The following SFSWAP variants were observed in gnomAD, a reference collection of about 807,000 sequenced individuals.
SFSWAP encodes splicing factor, suppressor of white-apricot homolog.
Under a neutral mutation model 100.7 loss-of-function variants are expected in SFSWAP, and 17 were observed. That is an observed-to-expected ratio of 0.17 (90% confidence interval 0.12 to 0.25). The LOEUF is 0.25. Among genes scored for constraint, SFSWAP ranks in the 10% least tolerant of loss-of-function variants. The pLI is 1.00. For missense variants in SFSWAP, 1,005 were observed against 1,262.6 expected (o/e 0.80, Z 3.09); for synonymous variants, 504 against 510.1 (o/e 0.99, Z 0.16).
At chr12:131,761,590 CAG>C (rs1409463549) in intron 11 of SFSWAP, among the ~76,000 whole-genome samples, 3 of 152,216 alleles carry the variant, frequency 2.0e-5, no homozygotes, top group Non-Finnish European at 2.9e-5. Flanking sequence ...CCCGATCACT[CAG>C]GGACGTGGCA....
chr12:131,742,633 C>CTT (rs35922926), intron 7 of SFSWAP, among the ~76,000 whole-genome samples: 4 of 142,446 alleles, frequency 2.8e-5, no homozygotes, highest in African/African-American at 1.0e-4. Flanking sequence ...TGTTGGGGGA[C>CTT]TTTTTTTTTT....
At chr12:131,735,199 C>T (rs954066052) in intron 7 of SFSWAP, among the ~76,000 whole-genome samples, 23 of 152,326 alleles carry the variant, frequency 1.5e-4, no homozygotes, top group African/African-American at 4.8e-4. Flanking sequence ...CCTCCCCCAG[C>T]GATGAGAGCC....
intron 15 of SFSWAP, among the ~76,000 whole-genome samples, chr12:131,786,789 CG>C (rs1377730751): frequency 1.3e-5 from 2 of 151,894 alleles, no homozygotes; most frequent in Non-Finnish European, 2.9e-5. Flanking sequence ...GTCTGGTGGG[CG>C]GGGGTCACTT....
intron 13 of SFSWAP, among the ~76,000 whole-genome samples, chr12:131,767,557 A>G (rs1483090979): frequency 1.3e-5 from 2 of 152,264 alleles, no homozygotes; most frequent in Non-Finnish European, 2.9e-5. Context: ...CTGTAATTGT[A>G]GGTGAATTAA....
intron 7 of SFSWAP, among the ~76,000 whole-genome samples, chr12:131,729,879 G>A (rs2136192710): frequency 6.6e-6 from 1 of 152,328 alleles, no homozygotes; most frequent in South Asian, 2.1e-4. Context: ...AAACATCACA[G>A]CTGTGTTCTT....
intron 13 of SFSWAP, among the ~76,000 whole-genome samples, chr12:131,769,673 C>T (rs1883422463): frequency 6.6e-6 from 1 of 152,140 alleles, no homozygotes; most frequent in Non-Finnish European, 1.5e-5. Context: ...CTCGCCCAGG[C>T]TGGAGTGCAG....
chr12:131,753,428 C>T, intron 8 of SFSWAP, 65 bp downstream of exon 8: 3 of 1,534,244 alleles, frequency 2.0e-6, no homozygotes, highest in Non-Finnish European at 2.6e-6. Flanking sequence ...CTGGGGCCGT[C>T]TGTGTCTCCA....
intron 15 of SFSWAP, among the ~76,000 whole-genome samples, chr12:131,789,869 C>G (rs1435850829): frequency 1.3e-5 from 2 of 152,228 alleles, no homozygotes; most frequent in African/African-American, 2.4e-5. Context: ...GTCCATTTGT[C>G]CCATCATTCA....
chr12:131,783,792 TTATATATATATATATATA>T (rs68047235), intron 14 of SFSWAP: 1 of 86,682 alleles, frequency 1.2e-5, no homozygotes, highest in East Asian at 5.7e-4. Flanking sequence ...AAAAAACATT[TTATATATATATATATATA>T]TATATATATA....
At position 131,728,404 on chromosome 12, in the gene SFSWAP, T is replaced by G; in HGVS notation, c.1057T>G (p.Ser353Ala). The change falls in exon 7 of 18, where the codon TCC becomes GCC. Residue 353 changes from serine (S) to alanine (A), a missense_variant. Transcript: ENST00000261674. The stretch of plus-strand genomic sequence containing the variant: ...CGCAGACGGTGCGCCTGTGCAGCCC[T>G]CCCAGGTGGAGTACACGGCAGACTG... ...HNADGAPVQPSQVEYTADSTV... is the reference protein window; with the variant it reads ...HNADGAPVQPAQVEYTADSTV... The G allele has an allele frequency of 1.2e-6, 2 of 1,614,196 alleles. No individual in the cohort carries two copies. Among genetic ancestry groups the G allele is most frequent in the Non-Finnish European group, 1.7e-6 (2 of 1,180,028 alleles).
At chr12:131,758,912 A>G (rs1266901845) in intron 11 of SFSWAP, among the ~76,000 whole-genome samples, 1 of 152,052 alleles carries the variant, frequency 6.6e-6, no homozygotes, top group Non-Finnish European at 1.5e-5. Flanking sequence ...TCGTGAGACC[A>G]TGTCTCTACA....
At chr12:131,754,738 A>G (rs1882003237) in intron 9 of SFSWAP, among the ~76,000 whole-genome samples, 2 of 147,396 alleles carry the variant, frequency 1.4e-5, no homozygotes, top group African/African-American at 5.0e-5. Context: ...GGCTCAAGCA[A>G]TTCTCCTGTC....
chr12:131,748,394 A>G (rs797008765), intron 7 of SFSWAP, among the ~76,000 whole-genome samples: 57 of 152,248 alleles, frequency 3.7e-4, no homozygotes, highest in African/African-American at 1.3e-3. Flanking sequence ...TCCTGGCCTC[A>G]AGTGATCCCC....
rs746339569 is a variant in SFSWAP at position 131,727,063 on chromosome 12, CATT to C, written c.945+12_945+14del. On this transcript the variant is annotated intron_variant, in intron 6 of 17. Transcript: ENST00000261674. ...GAAGAGCTGATGAAGGTTTTTATCT[CATT>C]GTTGAACTATATTTTTATGCCACCA... 4.2e-6 allele frequency: 6 copies of C among 1,436,652 alleles called. No individual in the cohort carries two copies. The highest frequency in any genetic ancestry group is 5.9e-6 in the Non-Finnish European group (6 of 1,025,608). 89.0% of individuals were successfully genotyped at this position (1,436,652 alleles called of 1,614,324 possible). A position where few individuals can be genotyped will look rare whatever the true frequency, so the allele number is the denominator to read the frequency against.
In SFSWAP at chr12:131,799,570, T is replaced by A; in HGVS notation, c.*82T>A. 8.5e-7 allele frequency: 1 copy of A among 1,169,936 alleles called. No homozygotes were observed. 72.5% of individuals were successfully genotyped at this position (1,169,936 alleles called of 1,614,324 possible). A position where few individuals can be genotyped will look rare whatever the true frequency, so the allele number is the denominator to read the frequency against. ...GCAGACGCCGGCCACACCATCCACC[T>A]GGCCGCCTCCATGGACCCTTGGTGG... On this transcript the variant is annotated 3_prime_UTR_variant, in exon 18 of 18. Transcript: ENST00000261674.
chr12:131,748,513 G>A lies in SFSWAP; in HGVS notation c.1082-4610G>A, dbSNP rs1335346819. On this transcript the variant is annotated intron_variant, in intron 7 of 17. Coordinates refer to ENST00000261674, the MANE Select transcript of SFSWAP (RefSeq NM_004592.4). ...CATCCTCCCTGACTTAGCTCTTCCAGAAAGGTGGTTGCTCACCAATCTCCT... is the reference window on the plus strand; with the variant it reads ...CATCCTCCCTGACTTAGCTCTTCCAAAAAGGTGGTTGCTCACCAATCTCCT... Among the ~76,000 whole-genome samples the A allele has an allele frequency of 2.0e-5, 3 of 152,160 alleles. No individual in the cohort carries two copies. The East Asian group carries it at 5.8e-4, about 29-fold the overall frequency.
rs556527852 is a variant in SFSWAP, at chr12:131,758,553, C to T, written c.1720+1909C>T. The stretch of plus-strand genomic sequence containing the variant: ...TGGGCATCTCTGAAACAGACTCTTG[C>T]GTAACAGGAGAAAAATCTTTTAAGT... On this transcript the variant is annotated intron_variant, in intron 11 of 17. Transcript: ENST00000261674. Among the ~76,000 whole-genome samples the T allele has an allele frequency of 2.6e-4, 39 of 152,118 alleles. No homozygotes were observed. The South Asian group carries it at 3.3e-3, about 13-fold the overall frequency.
intron 13 of SFSWAP, among the ~76,000 whole-genome samples, chr12:131,774,843 C>T (rs757557677): frequency 1.3e-5 from 2 of 152,046 alleles, no homozygotes; most frequent in African/African-American, 2.4e-5. Context: ...ATTGTCCCGT[C>T]GCTTCAAAAT....
chr12:131,783,897 G>C (rs1884706286), intron 14 of SFSWAP: 1 of 148,736 alleles, frequency 6.7e-6, no homozygotes, highest in Non-Finnish European at 1.5e-5. Context: ...ACTTTTCTTA[G>C]GAGTCTTGTT....
Sources: gnomAD v4.1 joint callset for allele counts (sites outside exome capture counted in the v4.1 genomes callset) on GRCh38, gnomAD v4.1.1 for gene constraint, MANE v1.5 for transcripts, NCBI Gene and HGNC (gene_info 2026-07-23, HGNC 2026-07-21) for gene names.